The following AS3MT variants were observed in gnomAD, a reference collection of about 807,000 sequenced individuals.
AS3MT encodes S-adenosyl-L-methionine:arsenic(III) methyltransferase.
A neutral mutation model predicts 45.3 loss-of-function variants in AS3MT; 47 were observed. That is an observed-to-expected ratio of 1.04 (90% CI 0.82 to 1.32). The LOEUF is 1.32. Among genes scored for constraint, AS3MT ranks in the 40% most tolerant of loss-of-function variants. The probability of loss-of-function intolerance (pLI) is 0.00; values close to 1 mark genes in which losing one functional copy is unlikely to be tolerated. For synonymous variants in AS3MT, 141 were observed against 152.8 expected (o/e 0.92, Z 0.57); for missense variants, 396 against 451.1 (o/e 0.88, Z 1.11).
At chr10:102,898,142 C>T (rs1845210732) in intron 10 of AS3MT, among the ~76,000 whole-genome samples, 1 of 151,320 alleles carries the variant, frequency 6.6e-6, no homozygotes. Context: ...AACGGAAGAC[C>T]TTTATGATAA....
At chr10:102,875,602 T>C (rs548426669) in intron 6 of AS3MT, among the ~76,000 whole-genome samples, 1 of 151,738 alleles carries the variant, frequency 6.6e-6, no homozygotes, top group Admixed American at 6.6e-5. Flanking sequence ...TTGGGCAATA[T>C]AGTGTGATCA....
chr10:102,890,836 C>T (rs1030476119), intron 10 of AS3MT, 158 bp downstream of exon 10: 6 of 590,214 alleles, frequency 1.0e-5, no homozygotes, highest in East Asian at 7.5e-5. Context: ...CTCAGCCTCC[C>T]GATTAGCTAA....
intron 7 of AS3MT, among the ~76,000 whole-genome samples, 160 bp from the exon 8 acceptor site, chr10:102,878,219 G>A (rs187567945): frequency 2.4e-4 from 36 of 152,222 alleles, no homozygotes; most frequent in African/African-American, 7.5e-4. Flanking sequence ...CTTAACCATG[G>A]CTTTCTAGAC....
At position 102,883,783 on chromosome 10, in the gene AS3MT, T is replaced by C. The variant is rs371851069; in HGVS notation, c.885+4792T>C. Among the ~76,000 whole-genome samples the C allele has an allele frequency of 8.4e-4, 128 of 152,068 alleles. 1 individual carries two copies. The highest frequency in any genetic ancestry group is 3.0e-3 in the African/African-American group (124 of 41,528). ...TAATTTTCCCCCCATTATTTATTTT[T>C]TTAATGGGCAAATTTTAAAAATTGT... On this transcript the variant is annotated intron_variant, in intron 9 of 10. Coordinates refer to ENST00000369880, the MANE Select transcript of AS3MT (RefSeq NM_020682.4).
Position 102,869,511 on chromosome 10 carries a change from C to T in AS3MT, c.-82C>T. Reference sequence around the variant, plus strand: ...GGAGCCCGCCGTCCTGAGTCGCAGGCCGAGGAGACAGTGAGTGCGCGCCCT... The same window carrying T: ...GGAGCCCGCCGTCCTGAGTCGCAGGTCGAGGAGACAGTGAGTGCGCGCCCT... On this transcript the variant is annotated 5_prime_UTR_variant, in exon 1 of 11. Coordinates refer to ENST00000369880, the MANE Select transcript of AS3MT (RefSeq NM_020682.4). 5 of 1,385,030 alleles carry T rather than the reference C, an allele frequency of 3.6e-6. No homozygotes were observed. 85.8% of individuals were successfully genotyped at this position (1,385,030 alleles called of 1,614,324 possible). A position where few individuals can be genotyped will look rare whatever the true frequency, so the allele number is the denominator to read the frequency against.
At chr10:102,879,173 A>G (rs1844835025) in intron 9 of AS3MT, among the ~76,000 whole-genome samples, 182 bp downstream of exon 9, 1 of 151,962 alleles carries the variant, frequency 6.6e-6, no homozygotes, top group South Asian at 2.1e-4. Flanking sequence ...ATACTTATTT[A>G]TTTATTGACA....
In AS3MT at chr10:102,900,441, AGAATGACT is replaced by A; in HGVS notation, c.1021-149_1021-142del. 6.9e-6 allele frequency: 4 copies of A among 579,958 alleles called. No individual in the cohort carries two copies. The East Asian group carries it at 1.2e-4, about 17-fold the overall frequency. 35.9% of individuals were successfully genotyped at this position (579,958 alleles called of 1,614,324 possible). A position where few individuals can be genotyped will look rare whatever the true frequency, so the allele number is the denominator to read the frequency against. On this transcript the variant is annotated intron_variant, in intron 10 of 10. Transcript: ENST00000369880. ...TTCAGGAAGCAAGTGCCTTTATGGC[AGAATGACT>A]GATGTTACTCCCAGGATCTCATGGA...
rs765621406 is a variant in AS3MT, at chr10:102,874,596, A to C, written c.463A>C (p.Asn155His). Reference protein sequence around the residue: ...KNESHDIVVSNCVINLVPDKQ... With the variant: ...KNESHDIVVSHCVINLVPDKQ... ...ATTTCATCTGTTCTCTTTTAGATCA[A>C]ACTGTGTTATTAACCTTGTGCCTGA... Residue 155 changes from asparagine (N) to histidine (H), a missense_variant, in exon 6 of 11, where the codon AAC becomes CAC. By Grantham distance (68) the Asn-to-His change is moderately conservative. Coordinates refer to ENST00000369880, the MANE Select transcript of AS3MT (RefSeq NM_020682.4). The C allele has an allele frequency of 6.2e-7, 1 of 1,602,456 alleles. No individual in the cohort carries two copies. Among genetic ancestry groups the C allele is most frequent in the Admixed American group, 1.7e-5 (1 of 59,356 alleles).
chr10:102,880,744 G>A (rs1032637374), intron 9 of AS3MT, among the ~76,000 whole-genome samples: 1 of 152,046 alleles, frequency 6.6e-6, no homozygotes, highest in African/African-American at 2.4e-5. Flanking sequence ...TCAACAACAT[G>A]CTTCAAATAA....
Position 102,869,532 on chromosome 10 carries a change from GCCC to G in AS3MT, c.-60_-58del. ...CAGGCCGAGGAGACAGTGAGTGCGCGCCCTGAGTCGCAGGCCGAGGAGACAGTG... is the reference window on the plus strand; with the variant it reads ...CAGGCCGAGGAGACAGTGAGTGCGCGTGAGTCGCAGGCCGAGGAGACAGTG... On this transcript the variant is annotated 5_prime_UTR_variant, in exon 1 of 11. Coordinates refer to ENST00000369880, the MANE Select transcript of AS3MT (RefSeq NM_020682.4). 1 of 1,328,308 alleles carries G rather than the reference GCCC, an allele frequency of 7.5e-7. No individual in the cohort carries two copies. Among genetic ancestry groups the G allele is most frequent in the Non-Finnish European group, 9.8e-7 (1 of 1,021,938 alleles). The allele number at this position is 1,328,308 out of a possible 1,614,324, so 82.3% of individuals were successfully genotyped here.
chr10:102,880,823 A>G (rs1844859351), intron 9 of AS3MT, among the ~76,000 whole-genome samples: 1 of 152,246 alleles, frequency 6.6e-6, no homozygotes, highest in Non-Finnish European at 1.5e-5. Context: ...CACTAAAAAA[A>G]GGTGTTTCAT....
intron 9 of AS3MT, among the ~76,000 whole-genome samples, chr10:102,880,178 A>T (rs2134117191): frequency 6.6e-6 from 1 of 152,334 alleles, no homozygotes; most frequent in Non-Finnish European, 1.5e-5. Context: ...ATGTTGGATG[A>T]TGGCACTAAT....
intron 6 of AS3MT, among the ~76,000 whole-genome samples, 174 bp from the exon 7 acceptor site, chr10:102,876,780 G>A (rs950003196): frequency 1.3e-5 from 2 of 152,154 alleles, no homozygotes; most frequent in African/African-American, 4.8e-5. Context: ...AAAAACCTTG[G>A]CACTTGACTA....
At chr10:102,870,466 A>G (rs146194729) in intron 3 of AS3MT, among the ~76,000 whole-genome samples, 1 of 152,288 alleles carries the variant, frequency 6.6e-6, no homozygotes, top group African/African-American at 2.4e-5. Context: ...CAGAAGTTAC[A>G]GGCTGTAGTG....
intron 5 of AS3MT, among the ~76,000 whole-genome samples, chr10:102,874,185 G>A (rs1844742598): frequency 6.6e-6 from 1 of 151,928 alleles, no homozygotes; most frequent in Non-Finnish European, 1.5e-5. Context: ...CCCGGGAGGC[G>A]GAGGTTGCAA....
chr10:102,869,856 T>A lies in AS3MT; in HGVS notation c.42+11T>A. On this transcript the variant is annotated intron_variant, in intron 2 of 10. Transcript: ENST00000369880. Reference sequence around the variant, plus strand: ...CAGAAGGACGTGCAGGTGAGAGCTGTAGGGCCTGGAATGGCCCAAGTGGAG... The same window carrying A: ...CAGAAGGACGTGCAGGTGAGAGCTGAAGGGCCTGGAATGGCCCAAGTGGAG... 1 of 1,613,810 alleles carries A rather than the reference T, an allele frequency of 6.2e-7. No individual in the cohort carries two copies. Among genetic ancestry groups the A allele is most frequent in the East Asian group, 2.2e-5 (1 of 44,882 alleles).
Position 102,872,575 on chromosome 10 carries a change from G to T in AS3MT, c.298G>T (p.Gly100Ter). 1.2e-6 allele frequency: 2 copies of T among 1,612,900 alleles called. No homozygotes were observed. Among genetic ancestry groups the T allele is most frequent in the Non-Finnish European group, 1.7e-6 (2 of 1,179,674 alleles). The change falls in exon 4 of 11, where the codon GGA becomes TGA. Residue 100 changes from glycine (G) to a stop codon, truncating the protein, a stop_gained. Transcript: ENST00000369880. LOFTEE classifies it high-confidence loss of function. ...QLVGEKGHVT[G>*]IDMTKGQVEV... ...GGTTGGTGAAAAAGGACACGTGACT[G>T]GAATAGACATGACCAAAGGCCAGGT...
rs141086487 is a variant in AS3MT at position 102,898,650 on chromosome 10, A to G, written c.1021-1943A>G. ...AAATGATGCAAACAGGATTAGGGCT[A>G]TGGACTGTCTTAATAGTAATGGTAG... On this transcript the variant is annotated intron_variant, in intron 10 of 10. Coordinates refer to ENST00000369880, the MANE Select transcript of AS3MT (RefSeq NM_020682.4). Among the ~76,000 whole-genome samples the G allele has an allele frequency of 4.0e-3, 603 of 152,336 alleles. 7 individuals are homozygous for G. The highest frequency in any genetic ancestry group is 0.014 in the African/African-American group (583 of 41,580).
At chr10:102,887,761 C>T (rs1393815457) in intron 9 of AS3MT, 2 of 152,454 alleles carry the variant, frequency 1.3e-5, no homozygotes, top group African/African-American at 2.4e-5. Flanking sequence ...TCCATTCAGC[C>T]ACTCTATTCC....
Sources: allele counts gnomAD v4.1 joint callset (sites outside exome capture counted in the v4.1 genomes callset), GRCh38; gene constraint gnomAD v4.1.1; transcripts MANE v1.5; gene names NCBI Gene and HGNC (gene_info 2026-07-23, HGNC 2026-07-21).